RP1: variants seen among roughly 807,000 people sequenced by gnomAD.
RP1 encodes RP1 axonemal microtubule associated.
RP1 carries 16 observed loss-of-function variants against 14.8 expected under a neutral mutation model. That is an observed-to-expected ratio of 1.08 (90% CI 0.73 to 1.65). The LOEUF (loss-of-function observed/expected upper bound fraction) is 1.65, where lower values mean the gene tolerates loss of function less well. RP1 is among the 40% of genes most tolerant of loss of function. The pLI, the probability that RP1 is intolerant of heterozygous loss-of-function variation, is 0.00. For synonymous variants in RP1, 876 were observed against 883.6 expected, an observed-to-expected ratio of 0.99 and a Z score of 0.15; for missense variants, 2,631 against 2,535.0, an observed-to-expected ratio of 1.04 and a Z score of -0.81.
downstream of RP1, among the ~76,000 whole-genome samples, chr8:54,633,045 G>A (rs530089351): frequency 6.6e-6 from 1 of 152,164 alleles, no homozygotes; most frequent in Non-Finnish European, 1.5e-5. Flanking sequence ...CACTCTGAGA[G>A]GCTTGCATGG....
intron 1 of RP1, among the ~76,000 whole-genome samples, chr8:54,581,968 T>C (rs1217448189): frequency 6.6e-6 from 1 of 152,240 alleles, no homozygotes; most frequent in African/African-American, 2.4e-5. Context: ...TTCACTCTGA[T>C]GGTAGTTTCT....
chr8:54,723,672 T>G (rs1042890502), intron 16 of RP1, among the ~76,000 whole-genome samples: 2 of 152,204 alleles, frequency 1.3e-5, no homozygotes, highest in Non-Finnish European at 2.9e-5. Flanking sequence ...ATTTGAAAGT[T>G]TTCTTCATTC....
intron 1 of RP1, among the ~76,000 whole-genome samples, chr8:54,564,362 A>G (rs1365018197): frequency 4.6e-5 from 7 of 152,212 alleles, no homozygotes. Context: ...GGAAACCTAG[A>G]TCCAGCACTT....
At position 54,602,260 on chromosome 8, in the gene RP1, A is replaced by C. The variant is rs550601678; in HGVS notation, c.-12-18695A>C. 8.7e-4 allele frequency among the ~76,000 whole-genome samples: 133 copies of C among 152,034 alleles called. 2 individuals are homozygous for C. The highest frequency in any genetic ancestry group is 2.1e-4 in the Non-Finnish European group (14 of 67,968). ...GTCCATGTGTTCTCATTGTTCAATT[A>C]CCACCTATGAGTGAGAACATGCGGT... On this transcript the variant is annotated intron_variant, in intron 1 of 22. Coordinates refer to the RP1 transcript ENST00000636932.
intron 1 of RP1, among the ~76,000 whole-genome samples, chr8:54,580,300 C>T (rs1267846777): frequency 3.7e-5 from 3 of 80,196 alleles, no homozygotes; most frequent in Non-Finnish European, 4.6e-5. Context: ...TCGTAGACTT[C>T]TTTTTTTTTT....
intron 23 of RP1, among the ~76,000 whole-genome samples, chr8:54,780,200 A>T (rs1411096288): frequency 6.6e-6 from 1 of 152,234 alleles, no homozygotes; most frequent in East Asian, 1.9e-4. Context: ...ACAAATGAGC[A>T]TGGCGTCATT....
intron 26 of RP1, among the ~76,000 whole-genome samples, chr8:54,854,063 A>G (rs1812130199): frequency 6.6e-6 from 1 of 152,184 alleles, no homozygotes; most frequent in African/African-American, 2.4e-5. Context: ...GGGACTCAGT[A>G]TTATAAAGTT....
At chr8:54,762,030 T>A (rs1393592338) in intron 22 of RP1, among the ~76,000 whole-genome samples, 1 of 152,128 alleles carries the variant, frequency 6.6e-6, no homozygotes, top group East Asian at 1.9e-4. Context: ...TGGAAGGCTG[T>A]TCTGAAGAGA....
rs749844078 is a variant in RP1, at chr8:54,620,941, T to A, written c.-12-14T>A. ...GGTGCTGTGATTCTGGAGATAATTTTCTTTCTTCTCTAGGTCTCAGCCAAA... is the reference window on the plus strand; with the variant it reads ...GGTGCTGTGATTCTGGAGATAATTTACTTTCTTCTCTAGGTCTCAGCCAAA... On this transcript the variant is annotated splice_polypyrimidine_tract_variant and intron_variant, in intron 1 of 3. Transcript: ENST00000220676. The A allele has an allele frequency of 6.2e-7, 1 of 1,613,020 alleles. No individual in the cohort carries two copies. Among genetic ancestry groups the A allele is most frequent in the Non-Finnish European group, 8.5e-7 (1 of 1,179,046 alleles).
chr8:54,670,250 GTA>G (rs1174382197), intron 7 of RP1, among the ~76,000 whole-genome samples: 2 of 151,720 alleles, frequency 1.3e-5, no homozygotes, highest in African/African-American at 2.4e-5. Flanking sequence ...TGGTGGTTCT[GTA>G]TATGTCTGTT....
Position 54,625,243 on chromosome 8 carries a change from T to TA in RP1, c.1363dup (p.Arg455LysfsTer18), listed in dbSNP as rs759396564. The TA allele has an allele frequency of 6.2e-7, 1 of 1,614,160 alleles. No homozygotes were observed. Among genetic ancestry groups the TA allele is most frequent in the Non-Finnish European group, 8.5e-7 (1 of 1,180,030 alleles). ...TTTTATAGGCCCCCTACACCTGGAC[T>TA]AAGAAGAGTGAGACAAAAGAAATCT... On this transcript the variant is annotated frameshift_variant, in exon 4 of 4. Coordinates refer to ENST00000220676, the MANE Select transcript of RP1 (RefSeq NM_006269.2). LOFTEE classifies it low-confidence loss of function (END_TRUNC).
chr8:54,775,663 A>G (rs1300055044), intron 23 of RP1, among the ~76,000 whole-genome samples: 2 of 152,190 alleles, frequency 1.3e-5, no homozygotes, highest in Non-Finnish European at 2.9e-5. Context: ...AGCCTGGTCC[A>G]AATTGCACTT....
chr8:54,625,519 G>A lies in RP1; in HGVS notation c.1637G>A (p.Ser546Asn), dbSNP rs1242655133. 6 of 1,613,884 alleles carry A rather than the reference G, an allele frequency of 3.7e-6. No homozygotes were observed. The highest frequency in any genetic ancestry group is 4.2e-6 in the Non-Finnish European group (5 of 1,180,018). The change falls in exon 4 of 4, where the codon AGT becomes AAT. Residue 546 changes from serine to asparagine, a missense_variant. Ser to Asn is a conservative substitution (Grantham distance 46, BLOSUM62 1). Transcript: ENST00000220676. ...AGTCTGCTTAAGTCAAGTGCAATAA[G>A]TGCTGGTGTTATAGAAATTACAAGT... ...ENSLLKSSAI[S>N]AGVIEITSQK...
intron 25 of RP1, among the ~76,000 whole-genome samples, chr8:54,841,645 T>G (rs1169597140): frequency 6.6e-6 from 1 of 152,214 alleles, no homozygotes; most frequent in African/African-American, 2.4e-5. Context: ...TTTCATGCCT[T>G]TCTCTGATTT....
rs1445146409 is a variant in RP1 at position 54,674,528 on chromosome 8, A to ACG, written c.1402+600_1402+601insCG. Among the ~76,000 whole-genome samples the ACG allele has an allele frequency of 9.9e-3, 988 of 99,970 alleles. 13 individuals carry two copies. Among genetic ancestry groups the ACG allele is most frequent in the African/African-American group, 0.027 (939 of 35,340 alleles). The allele number at this position is 99,970 out of a possible 152,430, so 65.6% of individuals were successfully genotyped here. The stretch of plus-strand genomic sequence containing the variant: ...ACACATACCAAAAAAAAAAAAAAGG[A>ACG]AAAAAAAACCCAAATGCATCAAACA... On this transcript the variant is annotated intron_variant, in intron 8 of 22. Coordinates refer to the RP1 transcript ENST00000636932.
intron 24 of RP1, among the ~76,000 whole-genome samples, chr8:54,799,818 T>A (rs1190667775): frequency 6.6e-6 from 1 of 152,028 alleles, no homozygotes. Flanking sequence ...CATTTCACCT[T>A]TATATATGTG....
rs748624302 is a variant in RP1, at chr8:54,625,691, T to C, written c.1809T>C (p.Asp603=). The change falls in exon 4 of 4, where the codon GAT becomes GAC. Residue 603 remains aspartate (D), a synonymous_variant. Coordinates refer to ENST00000220676, the MANE Select transcript of RP1 (RefSeq NM_006269.2). ...KNFKTYGNTN[D]RFSPISADAT... Reference sequence around the variant, plus strand: ...TCAAAACTTATGGTAACACCAATGATAGGTTCAGTCCTATTTCAGCAGATG... The same window carrying C: ...TCAAAACTTATGGTAACACCAATGACAGGTTCAGTCCTATTTCAGCAGATG... The C allele has an allele frequency of 1.9e-6, 3 of 1,614,114 alleles. No homozygotes were observed. The South Asian group carries it at 3.3e-5, about 18-fold the overall frequency.
upstream of RP1, among the ~76,000 whole-genome samples, chr8:54,615,042 T>G (rs1805683797): frequency 6.6e-6 from 1 of 152,240 alleles, no homozygotes; most frequent in South Asian, 2.1e-4. Flanking sequence ...TGCCTATTGC[T>G]ACCCTGTAAA....
exon 28 of RP1, chr8:54,865,901 T>C (rs1311836809): frequency 7.3e-6 from 9 of 1,226,594 alleles, no homozygotes; most frequent in Non-Finnish European, 9.2e-6. Context: ...GAAGAGGTGC[T>C]GTTTCTATGC....
Sources: gnomAD v4.1 joint callset for allele counts (sites outside exome capture counted in the v4.1 genomes callset) on GRCh38, gnomAD v4.1.1 for gene constraint, MANE v1.5 for transcripts, NCBI Gene and HGNC (gene_info 2026-07-23, HGNC 2026-07-21) for gene names.